Variants in ZNF385D observed in about 807,000 individuals in gnomAD.
ZNF385D encodes zinc finger protein 659.
ZNF385D carries 15 observed loss-of-function variants against 35.8 expected under a neutral mutation model. The observed-to-expected ratio is 0.42, with a 90% CI of 0.28 to 0.64. ZNF385D has a LOEUF of 0.64. Ranked by LOEUF, ZNF385D falls within the 30% of genes least tolerant of loss-of-function variation. The pLI, the probability that ZNF385D is intolerant of heterozygous loss-of-function variation, is 0.23. For missense variants in ZNF385D, 474 were observed against 494.6 expected (o/e 0.96, Z 0.39); for synonymous variants, 212 against 186.8 (o/e 1.13, Z -1.10).
chr3:22,322,677 A>T (rs560594456), intron 2 of ZNF385D, among the ~76,000 whole-genome samples: 3 of 152,208 alleles, frequency 2.0e-5, no homozygotes, highest in Admixed American at 2.0e-4. Flanking sequence ...CATTATTTAC[A>T]TAACATATGC....
intron 3 of ZNF385D, among the ~76,000 whole-genome samples, chr3:22,118,169 T>C (rs1702904135): frequency 1.3e-5 from 2 of 152,142 alleles, no homozygotes; most frequent in South Asian, 2.1e-4. Flanking sequence ...TATAGAATTG[T>C]GAACTATGGA....
intron 3 of ZNF385D, among the ~76,000 whole-genome samples, chr3:21,946,975 G>A (rs1052858900): frequency 6.6e-6 from 1 of 150,698 alleles, no homozygotes; most frequent in East Asian, 2.0e-4. Context: ...TTGGTCTTGT[G>A]GATTAATGCC....
chr3:22,043,948 A>G (rs917860219), intron 3 of ZNF385D, among the ~76,000 whole-genome samples: 3 of 152,146 alleles, frequency 2.0e-5, no homozygotes, highest in African/African-American at 4.8e-5. Flanking sequence ...TGAAGTCCAC[A>G]GTCCAGGCTG....
At chr3:21,916,902 T>C (rs1700217302) in intron 3 of ZNF385D, among the ~76,000 whole-genome samples, 1 of 152,226 alleles carries the variant, frequency 6.6e-6, no homozygotes, top group African/African-American at 2.4e-5. Context: ...TGGAAAGATA[T>C]ACCAATTTCC....
chr3:21,913,124 A>G (rs755001038), intron 3 of ZNF385D, among the ~76,000 whole-genome samples: 1 of 152,066 alleles, frequency 6.6e-6, no homozygotes, highest in Non-Finnish European at 1.5e-5. Flanking sequence ...TGGAGATGGA[A>G]TGTTCCTCTA....
At chr3:21,999,076 T>C (rs1049918129) in intron 3 of ZNF385D, among the ~76,000 whole-genome samples, 3 of 152,214 alleles carry the variant, frequency 2.0e-5, no homozygotes, top group Non-Finnish European at 4.4e-5. Flanking sequence ...TTACCAGACG[T>C]ACTCATTCCA....
At chr3:21,678,815 G>T (rs760687672) in intron 1 of ZNF385D, among the ~76,000 whole-genome samples, 3 of 152,090 alleles carry the variant, frequency 2.0e-5, no homozygotes, top group Admixed American at 6.6e-5. Context: ...AAGTCATTAT[G>T]CTTTCCAAGT....
chr3:22,093,371 T>C (rs1267221647), intron 3 of ZNF385D, among the ~76,000 whole-genome samples: 1 of 151,658 alleles, frequency 6.6e-6, no homozygotes, highest in African/African-American at 2.4e-5. Flanking sequence ...ATATAAAATA[T>C]AGTTATAATT....
rs1402316793 is a variant in ZNF385D at position 21,415,896 on chromosome 3, A to G, written c.*5318T>C. 1 of 152,134 alleles carries G rather than the reference A, an allele frequency of 6.6e-6. No homozygotes were observed. Among genetic ancestry groups the G allele is most frequent in the Non-Finnish European group, 1.5e-5 (1 of 68,008 alleles). The allele number at this position is 152,134 out of a possible 1,614,324, so 9.4% of individuals were successfully genotyped here. ...GGAAGGATGAGTTTCCATCACTGAG[A>G]AGAGGAAAGAGAAGACCCTCAAATT... On this transcript the variant is annotated 3_prime_UTR_variant, in exon 8 of 8. Transcript: ENST00000281523.
chr3:21,414,621 T>A lies in ZNF385D; in HGVS notation c.*6593A>T, dbSNP rs576455974. The A allele has an allele frequency of 3.0e-4, 45 of 152,258 alleles. No individual in the cohort carries two copies. Among genetic ancestry groups the A allele is most frequent in the African/African-American group, 1.0e-3 (43 of 41,562 alleles). The allele number at this position is 152,258 out of a possible 1,614,324, so 9.4% of individuals were successfully genotyped here. ...AGCACATTTCTGTAATCAGTCATTA[T>A]CCCTATTTTTATCAGAGAGAATCAT... On this transcript the variant is annotated 3_prime_UTR_variant, in exon 8 of 8. Transcript: ENST00000281523.
At chr3:22,301,997 AT>A (rs1702927062) in intron 2 of ZNF385D, among the ~76,000 whole-genome samples, 1 of 151,672 alleles carries the variant, frequency 6.6e-6, no homozygotes, top group African/African-American at 2.4e-5. Flanking sequence ...TGCACACTTC[AT>A]TTTTTCATTT....
chr3:21,748,408 C>T lies in ZNF385D; in HGVS notation c.22+2487G>A, dbSNP rs373298966. On this transcript the variant is annotated intron_variant, in intron 1 of 7. Transcript: ENST00000281523. ...CCAGGCTATTCAGGTAGTGATTCTTCAGCTATATTTGAAGGGGTGGGGGTG... is the reference window on the plus strand; with the variant it reads ...CCAGGCTATTCAGGTAGTGATTCTTTAGCTATATTTGAAGGGGTGGGGGTG... Among the ~76,000 whole-genome samples the T allele has an allele frequency of 3.2e-3, 385 of 118,860 alleles. 2 individuals carry two copies. The highest frequency in any genetic ancestry group is 0.012 in the African/African-American group (368 of 30,492). The allele number at this position is 118,860 out of a possible 152,430, so 78.0% of individuals were successfully genotyped here. A position where few individuals can be genotyped will look rare whatever the true frequency, so the allele number is the denominator to read the frequency against.
chr3:21,425,444 T>C, intron 6 of ZNF385D, 48 bp downstream of exon 6: 1 of 1,517,742 alleles, frequency 6.6e-7, no homozygotes, highest in South Asian at 1.3e-5. Flanking sequence ...ATCCTGCTTA[T>C]AAGGCTGTCC....
chr3:21,884,786 A>T (rs9843981), intron 3 of ZNF385D, among the ~76,000 whole-genome samples: 2,621 of 152,152 alleles, frequency 0.017, 77 homozygotes, highest in African/African-American at 0.058. Flanking sequence ...ATTGAAATTG[A>T]CCATATGGCA....
chr3:21,968,844 A>G (rs1703067785), intron 3 of ZNF385D, among the ~76,000 whole-genome samples: 2 of 152,130 alleles, frequency 1.3e-5, no homozygotes, highest in Non-Finnish European at 2.9e-5. Flanking sequence ...AAAGGAGAAA[A>G]AAAGTAAAGA....
chr3:21,446,729 G>T (rs1383800876), intron 4 of ZNF385D, among the ~76,000 whole-genome samples: 1 of 151,938 alleles, frequency 6.6e-6, no homozygotes, highest in Non-Finnish European at 1.5e-5. Flanking sequence ...CTGACCTCAG[G>T]TGATCCGCCC....
rs556805115 is a variant in ZNF385D, at chr3:21,953,301, T to C, written c.325+215516A>G. ...CTCTAAAAAGTTACATCAAGCTCAA[T>C]AGGTAATTATTTAGTTTTTGGATGA... On this transcript the variant is annotated intron_variant, in intron 3 of 5. Coordinates refer to the ZNF385D transcript ENST00000494108. 4.6e-5 allele frequency among the ~76,000 whole-genome samples: 7 copies of C among 151,714 alleles called. No homozygotes were observed. The South Asian group carries it at 1.2e-3, about 27-fold the overall frequency.
chr3:21,819,822 T>C (rs2073325188), intron 3 of ZNF385D, among the ~76,000 whole-genome samples: 1 of 145,846 alleles, frequency 6.9e-6, no homozygotes, highest in African/African-American at 2.5e-5. Context: ...TATACATAAA[T>C]ATGATACAAA....
chr3:22,106,509 T>A (rs779180), intron 3 of ZNF385D, among the ~76,000 whole-genome samples: 1 of 151,866 alleles, frequency 6.6e-6, no homozygotes, highest in Admixed American at 6.6e-5. Context: ...CTGGAAAAGG[T>A]TTGCTGTCTT....
Sources: gnomAD v4.1 joint callset for allele counts (sites outside exome capture counted in the v4.1 genomes callset) on GRCh38, gnomAD v4.1.1 for gene constraint, MANE v1.5 for transcripts, NCBI Gene and HGNC (gene_info 2026-07-23, HGNC 2026-07-21) for gene names.